The following RCAN1 variants were observed in gnomAD, a reference collection of about 807,000 sequenced individuals.
The protein encoded by RCAN1 is regulator of calcineurin 1, also known as calcipressin-1.
A neutral mutation model predicts 22.9 loss-of-function variants in RCAN1; 11 were observed. That is an observed-to-expected ratio of 0.48 (90% CI 0.30 to 0.79). The LOEUF (loss-of-function observed/expected upper bound fraction) is 0.79. Among genes scored for constraint, RCAN1 ranks in the 30% least tolerant of loss-of-function variants. The pLI is 0.06. For synonymous variants in RCAN1, 136 were observed against 142.3 expected, an observed-to-expected ratio of 0.96 and a Z score of 0.32; for missense variants, 291 against 337.8, an observed-to-expected ratio of 0.86 and a Z score of 1.09.
intron 1 of RCAN1, among the ~76,000 whole-genome samples, chr21:34,560,858 T>C (rs2123663647): frequency 6.6e-6 from 1 of 152,280 alleles, no homozygotes; most frequent in South Asian, 2.1e-4. Context: ...ATTCTGACTA[T>C]AAAGCCATTC....
chr21:34,542,341 C>A lies in RCAN1; in HGVS notation c.253-18631G>T, dbSNP rs375880167. Among the ~76,000 whole-genome samples, 7 of 152,274 alleles carry A rather than the reference C, an allele frequency of 4.6e-5. No homozygotes were observed. The South Asian group carries it at 1.0e-3, about 23-fold the overall frequency. Reference sequence around the variant, plus strand: ...GACACCAAGTTTAGGTCATAAAAAGCCATGCCCTTCTGCCTTGTTCTCTCG... The same window carrying A: ...GACACCAAGTTTAGGTCATAAAAAGACATGCCCTTCTGCCTTGTTCTCTCG... On this transcript the variant is annotated intron_variant, in intron 1 of 3. Coordinates refer to ENST00000313806, the MANE Select transcript of RCAN1 (RefSeq NM_004414.7).
chr21:34,571,968 G>A (rs1987249492), intron 1 of RCAN1, among the ~76,000 whole-genome samples: 1 of 152,100 alleles, frequency 6.6e-6, no homozygotes, highest in East Asian at 1.9e-4. Flanking sequence ...TAGTGTAATT[G>A]GTTTACCAAG....
chr21:34,572,127 GA>G (rs1987255138), intron 1 of RCAN1, among the ~76,000 whole-genome samples: 1 of 152,262 alleles, frequency 6.6e-6, no homozygotes, highest in East Asian at 1.9e-4. Flanking sequence ...AAATCAGTGG[GA>G]CCAGAATACA....
chr21:34,533,981 A>G (rs1199587854), intron 1 of RCAN1, among the ~76,000 whole-genome samples: 2 of 152,304 alleles, frequency 1.3e-5, no homozygotes, highest in Non-Finnish European at 2.9e-5. Context: ...AGTGGTTGGG[A>G]ATGAGGACAA....
At chr21:34,585,897 C>T (rs1286943199) in intron 1 of RCAN1, among the ~76,000 whole-genome samples, 1 of 151,894 alleles carries the variant, frequency 6.6e-6, no homozygotes. Context: ...CAAGAGCTGG[C>T]ACATCATGCA....
intron 1 of RCAN1, among the ~76,000 whole-genome samples, chr21:34,609,625 T>G (rs1391721120): frequency 6.6e-6 from 1 of 152,244 alleles, no homozygotes. Context: ...GCACAAAGCC[T>G]ATTTTTTGTT....
intron 1 of RCAN1, among the ~76,000 whole-genome samples, chr21:34,572,761 G>A (rs367662365): frequency 1.9e-4 from 29 of 152,320 alleles, no homozygotes; most frequent in East Asian, 7.7e-4. Flanking sequence ...TCCACAGGCT[G>A]TACAGGAAGC....
rs552459722 is a variant in RCAN1, at chr21:34,555,220, G to A, written c.253-31510C>T. On this transcript the variant is annotated intron_variant, in intron 1 of 3. Coordinates refer to ENST00000313806, the MANE Select transcript of RCAN1 (RefSeq NM_004414.7). ...AGAAGAGACAGATCACTGAAATGCA[G>A]TGAGTGCCTCTTATTTGGATTCTAA... is the stretch of plus-strand genomic sequence containing the variant. 1.1e-3 allele frequency among the ~76,000 whole-genome samples: 165 copies of A among 152,220 alleles called. 2 individuals are homozygous for A. The highest frequency in any genetic ancestry group is 1.9e-3 in the Non-Finnish European group (127 of 68,040).
chr21:34,577,373 G>A (rs953227558), intron 1 of RCAN1, among the ~76,000 whole-genome samples: 3 of 152,152 alleles, frequency 2.0e-5, no homozygotes, highest in Admixed American at 6.5e-5. Flanking sequence ...GGAGGTGGGT[G>A]GATCCTTTGA....
At chr21:34,564,317 A>C (rs1238739724) in intron 1 of RCAN1, among the ~76,000 whole-genome samples, 1 of 152,106 alleles carries the variant, frequency 6.6e-6, no homozygotes, top group East Asian at 1.9e-4. Context: ...AGGCGGGGGG[A>C]TCACAGGGCA....
intron 1 of RCAN1, among the ~76,000 whole-genome samples, chr21:34,606,302 G>A (rs1450234651): frequency 1.3e-5 from 2 of 152,072 alleles, no homozygotes; most frequent in African/African-American, 4.8e-5. Context: ...CTTGGCAGAC[G>A]GCCCCTTCTC....
intron 3 of RCAN1, among the ~76,000 whole-genome samples, chr21:34,520,130 A>C (rs1343431941): frequency 6.6e-6 from 1 of 152,162 alleles, no homozygotes; most frequent in Admixed American, 6.5e-5. Context: ...GAAATATGAA[A>C]TCTCACTCAA....
chr21:34,526,895 G>A (rs1985099631), intron 1 of RCAN1: 4 of 1,451,816 alleles, frequency 2.8e-6, no homozygotes, highest in Admixed American at 3.2e-5. Context: ...AAAAAAAAGT[G>A]CAGCTTCCAC....
intron 1 of RCAN1, among the ~76,000 whole-genome samples, chr21:34,552,963 G>A (rs944335281): frequency 6.6e-6 from 1 of 152,186 alleles, no homozygotes; most frequent in Non-Finnish European, 1.5e-5. Context: ...TTAATAGGAT[G>A]ATAGAAGACT....
intron 1 of RCAN1, among the ~76,000 whole-genome samples, chr21:34,610,637 A>C (rs1601228052): frequency 6.6e-6 from 1 of 152,340 alleles, no homozygotes; most frequent in East Asian, 1.9e-4. Flanking sequence ...ACCTCAGCTA[A>C]CAATTAGAAT....
rs569488634 is a variant in RCAN1, at chr21:34,523,228, A to G, written c.426+309T>C. On this transcript the variant is annotated intron_variant, in intron 2 of 3. Coordinates refer to ENST00000313806, the MANE Select transcript of RCAN1 (RefSeq NM_004414.7). ...CATGGAAACCTGCTGCGCAAACCTT[A>G]GGGTGTTTGCATAGCCACGCCTACC... 239 of 298,352 alleles carry G rather than the reference A, an allele frequency of 8.0e-4. 2 individuals carry two copies. The highest frequency in any genetic ancestry group is 4.8e-3 in the African/African-American group (224 of 46,308). 18.5% of individuals were successfully genotyped at this position (298,352 alleles called of 1,614,324 possible).
chr21:34,557,178 A>C (rs1389959530), intron 1 of RCAN1, among the ~76,000 whole-genome samples: 1 of 152,206 alleles, frequency 6.6e-6, no homozygotes, highest in Admixed American at 6.5e-5. Context: ...ACGCCACTGC[A>C]CTCCAGCCTT....
At chr21:34,524,957 T>C in intron 1 of RCAN1, 1 of 1,435,064 alleles carries the variant, frequency 7.0e-7, no homozygotes, top group Non-Finnish European at 9.2e-7. Context: ...GTTTTGTGAA[T>C]CTTTTTACCA....
At chr21:34,611,495 G>GATGTAAATT (rs1988686593) in intron 1 of RCAN1, among the ~76,000 whole-genome samples, 1 of 152,156 alleles carries the variant, frequency 6.6e-6, no homozygotes. Context: ...AAGAATTCTA[G>GATGTAAATT]TTCAGGTTAA....
Sources: allele counts gnomAD v4.1 joint callset (sites outside exome capture counted in the v4.1 genomes callset), GRCh38; gene constraint gnomAD v4.1.1; transcripts MANE v1.5; gene names NCBI Gene and HGNC (gene_info 2026-07-23, HGNC 2026-07-21).